KRT35: variants seen among roughly 807,000 people sequenced by gnomAD.
KRT35 encodes the protein keratin, type I cuticular Ha5.
Under a neutral mutation model 42.2 loss-of-function variants are expected in KRT35, and 33 were observed. That is an observed-to-expected ratio of 0.78 (90% CI 0.59 to 1.05). The LOEUF (loss-of-function observed/expected upper bound fraction) is 1.05. Ranked by LOEUF, KRT35 falls within the 50% of genes least tolerant of loss-of-function variation. KRT35 has a pLI of 0.00. For synonymous variants in KRT35, 218 were observed against 238.2 expected, an observed-to-expected ratio of 0.92 and a Z score of 0.78; for missense variants, 585 against 589.2, an observed-to-expected ratio of 0.99 and a Z score of 0.07.
In KRT35 at chr17:41,478,450, C is replaced by G. The variant is rs750937149; in HGVS notation, c.910G>C (p.Glu304Gln). 6.2e-7 allele frequency: 1 copy of G among 1,614,106 alleles called. No individual in the cohort carries two copies. Among genetic ancestry groups the G allele is most frequent in the Admixed American group, 1.7e-5 (1 of 60,024 alleles). Residue 304 changes from glutamate to glutamine, a missense_variant, in exon 5 of 7, where the codon GAG (glutamate) becomes CAG (glutamine). Coordinates refer to ENST00000246639, the MANE Select transcript of KRT35 (RefSeq NM_002280.6). ...ELNQQVVSSS[E>Q]QLQSCQAEII... ...TCTGCCTGGCAGGACTGCAACTGCTCTGAGCTGGACACCACCTGCTGGTTC... is the reference window on the plus strand; with the variant it reads ...TCTGCCTGGCAGGACTGCAACTGCTGTGAGCTGGACACCACCTGCTGGTTC...
chr17:41,481,079 T>A lies in KRT35; in HGVS notation c.19A>T (p.Lys7Ter). 1 of 1,609,122 alleles carries A rather than the reference T, an allele frequency of 6.2e-7. No homozygotes were observed. Among genetic ancestry groups the A allele is most frequent in the East Asian group, 2.2e-5 (1 of 44,866 alleles). The change falls in exon 1 of 7, where the codon AAG (lysine) becomes TAG (stop). Residue 7 changes from lysine to a stop codon, truncating the protein, a stop_gained. Coordinates refer to ENST00000246639, the MANE Select transcript of KRT35 (RefSeq NM_002280.6). LOFTEE classifies it high-confidence loss of function. ...AGAGACCCAGAAGAGAAGCCGGCCT[T>A]GAGGCATTTGGAAGCCATGGCCCCT... MASKCL[K>*]AGFSSGSLKS...
rs200159958 is a variant in KRT35 at position 41,480,653 on chromosome 17, G to A, written c.445C>T (p.Arg149Trp). ...TTCTTCTGGAGCTCCTCGATGGTCCGGAAGTAGGACTGGTAGTCAGGGCAC... is the reference window on the plus strand; with the variant it reads ...TTCTTCTGGAGCTCCTCGATGGTCCAGAAGTAGGACTGGTAGTCAGGGCAC... The part of the protein sequence containing the change: ...YMCPDYQSYF[R>W]TIEELQKKTL... Residue 149 changes from arginine to tryptophan, a missense_variant, in exon 1 of 7, where the codon CGG becomes TGG. Transcript: ENST00000246639. The A allele has an allele frequency of 4.0e-4, 640 of 1,613,850 alleles. No individual in the cohort carries two copies. The highest frequency in any genetic ancestry group is 4.7e-4 in the Non-Finnish European group (549 of 1,179,886).
chr17:41,480,893 C>T lies in KRT35; in HGVS notation c.205G>A (p.Ala69Thr), dbSNP rs200651620. 768 of 1,614,188 alleles carry T rather than the reference C, an allele frequency of 4.8e-4. 4 individuals carry two copies. The African/African-American group carries it at 9.4e-3, about 20-fold the overall frequency. ...SSYRATSCLP[A>T]LCLPAGGFAT... Reference sequence around the variant, plus strand: ...AAGCCTCCAGCAGGGAGGCAGAGAGCAGGGAGGCAGCTGGTGGCCCTGTAG... The same window carrying T: ...AAGCCTCCAGCAGGGAGGCAGAGAGTAGGGAGGCAGCTGGTGGCCCTGTAG... The change falls in exon 1 of 7, where the codon GCT becomes ACT. Residue 69 changes from alanine (A) to threonine (T), a missense_variant. By Grantham distance (58) the Ala-to-Thr change is moderately conservative. Coordinates refer to ENST00000246639, the MANE Select transcript of KRT35 (RefSeq NM_002280.6).
chr17:41,480,618 A>G lies in KRT35; in HGVS notation c.471+9T>C. ...TCCTGGGAATCCAAAGCCACTCTGA[A>G]CCTCTTACCTTCTTCTGGAGCTCCT... On this transcript the variant is annotated intron_variant, in intron 1 of 6. Transcript: ENST00000246639. 1.2e-6 allele frequency: 2 copies of G among 1,607,094 alleles called. No homozygotes were observed. Among genetic ancestry groups the G allele is most frequent in the East Asian group, 4.5e-5 (2 of 44,790 alleles).
Position 41,479,380 on chromosome 17 carries a change from C to A in KRT35, c.678G>T (p.Glu226Asp), listed in dbSNP as rs769141481. ...GGTTCTTCTTCAGGCAGAGCAGCTC[C>A]TCCTTCAGGGACTCCACCTGGGCCT... is the stretch of plus-strand genomic sequence containing the variant. The part of the protein sequence containing the change: ...DLEAQVESLK[E>D]ELLCLKKNHE... The change falls in exon 3 of 7, where the codon GAG becomes GAT. Residue 226 changes from glutamate (E) to aspartate (D), a missense_variant. Transcript: ENST00000246639. 26 of 1,614,028 alleles carry A rather than the reference C, an allele frequency of 1.6e-5. No homozygotes were observed. The highest frequency in any genetic ancestry group is 8.8e-5 in the South Asian group (8 of 91,072).
rs1427697804 is a variant in KRT35 at position 41,479,723 on chromosome 17, A to G, written c.530T>C (p.Leu177Ser). 3 of 1,614,100 alleles carry G rather than the reference A, an allele frequency of 1.9e-6. No homozygotes were observed. The highest frequency in any genetic ancestry group is 2.5e-6 in the Non-Finnish European group (3 of 1,179,988). Residue 177 changes from leucine to serine, a missense_variant, in exon 2 of 7, where the codon TTG (leucine) becomes TCG (serine). Coordinates refer to ENST00000246639, the MANE Select transcript of KRT35 (RefSeq NM_002280.6). ...CTTGGTCCTGAAGTCATCTGCAGCC[A>G]ATTTGGCATTGTCAATCTCCACCAC... ...RLVVEIDNAKLAADDFRTKYE... is the reference protein window; with the variant it reads ...RLVVEIDNAKSAADDFRTKYE...
rs377487322 is a variant in KRT35, at chr17:41,477,067, C to A, written c.1357G>T (p.Gly453Cys). The A allele has an allele frequency of 6.3e-7, 1 of 1,574,990 alleles. No individual in the cohort carries two copies. The highest frequency in any genetic ancestry group is 1.4e-5 in the African/African-American group (1 of 73,194). Reference sequence around the variant, plus strand: ...TGGGTCACCCGCTCTCAGAACCGACCCCCTGGGCAGGGCACACAAATGGGG... The same window carrying A: ...TGGGTCACCCGCTCTCAGAACCGACACCCTGGGCAGGGCACACAAATGGGG... ...PRPICVPCPG[G>C]RF The change falls in exon 7 of 7, where the codon GGT becomes TGT. Residue 453 changes from glycine (G) to cysteine (C), a missense_variant. Gly to Cys is a radical substitution (Grantham distance 159). Transcript: ENST00000246639.
rs540671516 is a variant in KRT35, at chr17:41,478,389, T to C, written c.971A>G (p.Glu324Gly). The C allele has an allele frequency of 9.9e-6, 16 of 1,613,820 alleles. No individual in the cohort carries two copies. The Admixed American group carries it at 2.7e-4, about 27-fold the overall frequency. Residue 324 changes from glutamate to glycine, a missense_variant, in exon 5 of 7, where the codon GAG (glutamate) becomes GGG (glycine). Glu to Gly is a moderately conservative substitution (Grantham distance 98). Coordinates refer to ENST00000246639, the MANE Select transcript of KRT35 (RefSeq NM_002280.6). ...IELRRTVNAL[E>G]IELQAQHSMR... The stretch of plus-strand genomic sequence containing the variant: ...GCTGTGCTGAGCCTGCAGCTCAATC[T>C]CCAGGGCGTTGACCGTGCGTCTCAG...
chr17:41,479,079 T>C, intron 3 of KRT35, 84 bp from the exon 4 acceptor site: 1 of 1,371,582 alleles, frequency 7.3e-7, no homozygotes, highest in South Asian at 1.3e-5. Context: ...CTCCTCCCCA[T>C]GCTCACCCCT....
chr17:41,478,727 A>G (rs1567706340), intron 4 of KRT35, 107 bp downstream of exon 4: 1 of 1,284,408 alleles, frequency 7.8e-7, no homozygotes, highest in Non-Finnish European at 1.1e-6. Context: ...AGCAAGGTCA[A>G]AACAGAGATG....
chr17:41,479,376 G>T lies in KRT35; in HGVS notation c.682C>A (p.Leu228Met), dbSNP rs756542898. ...EAQVESLKEE[L>M]LCLKKNHEEE... is the part of the protein sequence containing the mutation. ...TCATGGTTCTTCTTCAGGCAGAGCA[G>T]CTCCTCCTTCAGGGACTCCACCTGG... Residue 228 changes from leucine to methionine, a missense_variant, in exon 3 of 7, where the codon CTG (leucine) becomes ATG (methionine). Leu to Met is a conservative substitution (Grantham distance 15). Coordinates refer to ENST00000246639, the MANE Select transcript of KRT35 (RefSeq NM_002280.6). 13 of 1,613,932 alleles carry T rather than the reference G, an allele frequency of 8.1e-6. No individual in the cohort carries two copies. The highest frequency in any genetic ancestry group is 1.1e-5 in the Non-Finnish European group (13 of 1,180,000).
chr17:41,476,958 G>C lies in KRT35; in HGVS notation c.*98C>G. ...CAGCCAGACCCTGGGCCTGGGCTCT[G>C]CGCGAAGAGAGGGGATTGGGCTACA... On this transcript the variant is annotated 3_prime_UTR_variant, in exon 7 of 7. Coordinates refer to ENST00000246639, the MANE Select transcript of KRT35 (RefSeq NM_002280.6). The C allele has an allele frequency of 8.1e-7, 1 of 1,230,584 alleles. No individual in the cohort carries two copies. Among genetic ancestry groups the C allele is most frequent in the Non-Finnish European group, 1.1e-6 (1 of 888,198 alleles). The allele number at this position is 1,230,584 out of a possible 1,614,324, so 76.2% of individuals were successfully genotyped here.
In KRT35 at chr17:41,477,621, G is replaced by T. The variant is rs139209783; in HGVS notation, c.1117C>A (p.Leu373Met). ...TGGTACTCCTGGTTCTGCCGCTCCA[G>T]GTCAGCCCGGATCTCGGCCAGCTGG... Reference protein sequence around the residue: ...EAQLAEIRADLERQNQEYQVL... With the variant: ...EAQLAEIRADMERQNQEYQVL... The change falls in exon 6 of 7, where the codon CTG becomes ATG. Residue 373 changes from leucine to methionine, a missense_variant. Leu to Met is a conservative substitution (Grantham distance 15). Coordinates refer to ENST00000246639, the MANE Select transcript of KRT35 (RefSeq NM_002280.6). The T allele has an allele frequency of 3.4e-4, 548 of 1,614,254 alleles. 5 individuals carry two copies. In the African/African-American group the frequency reaches 6.9e-3, roughly 20 times the overall value.
In KRT35 at chr17:41,480,886, C is replaced by T; in HGVS notation, c.212G>A (p.Cys71Tyr). Residue 71 changes from cysteine to tyrosine, a missense_variant, in exon 1 of 7, where the codon TGC (cysteine) becomes TAC (tyrosine). Coordinates refer to ENST00000246639, the MANE Select transcript of KRT35 (RefSeq NM_002280.6). ...YRATSCLPAL[C>Y]LPAGGFATSY... ...GGTAGCGAAGCCTCCAGCAGGGAGG[C>T]AGAGAGCAGGGAGGCAGCTGGTGGC... is the stretch of plus-strand genomic sequence containing the variant. 6.2e-7 allele frequency: 1 copy of T among 1,614,184 alleles called. No homozygotes were observed. Among genetic ancestry groups the T allele is most frequent in the Non-Finnish European group, 8.5e-7 (1 of 1,180,032 alleles).
Position 41,480,716 on chromosome 17 carries a change from G to A in KRT35, c.382C>T (p.Arg128Cys), listed in dbSNP as rs753530971. Residue 128 changes from arginine to cysteine, a missense_variant, in exon 1 of 7, where the codon CGC becomes TGC. Physicochemically the swap from Arg to Cys is radical, Grantham distance 180. Transcript: ENST00000246639. ...LEQENASLES[R>C]IREWCEQQVP... ...TGCTGCTCACACCACTCACGGATGC[G>A]GCTCTCCAGGCTGGCGTTCTCCTGC... 16 of 1,614,050 alleles carry A rather than the reference G, an allele frequency of 9.9e-6. No homozygotes were observed. Among genetic ancestry groups the A allele is most frequent in the South Asian group, 6.6e-5 (6 of 91,082 alleles).
chr17:41,480,684 G>A lies in KRT35; in HGVS notation c.414C>T (p.Pro138=), dbSNP rs1333679935. The A allele has an allele frequency of 1.2e-6, 2 of 1,614,080 alleles. No individual in the cohort carries two copies. The highest frequency in any genetic ancestry group is 2.7e-5 in the African/African-American group (2 of 74,920). ...AGGACTGGTAGTCAGGGCACATGTA[G>A]GGGACCTGCTGCTCACACCACTCAC... ...RIREWCEQQV[P]YMCPDYQSYF... is the part of the protein sequence containing the mutation. Residue 138 remains proline (P), a synonymous_variant, in exon 1 of 7, where the codon CCC becomes CCT. Coordinates refer to ENST00000246639, the MANE Select transcript of KRT35 (RefSeq NM_002280.6).
chr17:41,480,723 C>T lies in KRT35; in HGVS notation c.375G>A (p.Leu125=). 1 of 1,614,234 alleles carries T rather than the reference C, an allele frequency of 6.2e-7. No individual in the cohort carries two copies. The highest frequency in any genetic ancestry group is 1.6e-4 in the Middle Eastern group (1 of 6,062). Residue 125 remains leucine (L), a synonymous_variant, in exon 1 of 7, where the codon CTG becomes CTA. Transcript: ENST00000246639. The part of the protein sequence containing the change: ...VRQLEQENAS[L]ESRIREWCEQ... ...CACACCACTCACGGATGCGGCTCTCCAGGCTGGCGTTCTCCTGCTCCAGCT... is the reference window on the plus strand; with the variant it reads ...CACACCACTCACGGATGCGGCTCTCTAGGCTGGCGTTCTCCTGCTCCAGCT...
chr17:41,478,869 T>C lies in KRT35; in HGVS notation c.838A>G (p.Asn280Asp). Residue 280 changes from asparagine (N) to aspartate (D), a missense_variant, in exon 4 of 7, where the codon AAC (asparagine) becomes GAC (aspartate). Transcript: ENST00000246639. Reference sequence around the variant, plus strand: ...AACCAGTCTTCAGCATCCCGGCGGTTATTCTCCACCAGGGTTTCATACTGG... The same window carrying C: ...AACCAGTCTTCAGCATCCCGGCGGTCATTCTCCACCAGGGTTTCATACTGG... ...RCQYETLVEN[N>D]RRDAEDWLDT... is the part of the protein sequence containing the mutation. The C allele has an allele frequency of 6.2e-7, 1 of 1,613,978 alleles. No homozygotes were observed. Among genetic ancestry groups the C allele is most frequent in the Non-Finnish European group, 8.5e-7 (1 of 1,179,952 alleles).
chr17:41,479,934 A>G (rs1421412500), intron 1 of KRT35, among the ~76,000 whole-genome samples, 153 bp from the exon 2 acceptor site: 1 of 152,214 alleles, frequency 6.6e-6, no homozygotes, highest in Non-Finnish European at 1.5e-5. Flanking sequence ...GGCAGGCTCT[A>G]GGGATCAACT....
Sources: gnomAD v4.1 joint callset for allele counts (sites outside exome capture counted in the v4.1 genomes callset) on GRCh38, gnomAD v4.1.1 for gene constraint, MANE v1.5 for transcripts, NCBI Gene and HGNC (gene_info 2026-07-23, HGNC 2026-07-21) for gene names.